The following CYP26A1 variants were observed in gnomAD, a reference collection of about 807,000 sequenced individuals.
CYP26A1 encodes the protein cytochrome P450 family 26 subfamily A member 1, also known as cytochrome P450 26A1.
A neutral mutation model predicts 47.4 loss-of-function variants in CYP26A1; 46 were observed. That is an observed-to-expected ratio of 0.97 (90% CI 0.77 to 1.24). The LOEUF is 1.24. Ranked by LOEUF, CYP26A1 falls within the 50% of genes most tolerant of loss-of-function variation. CYP26A1 has a pLI of 0.00. For missense variants in CYP26A1, 680 were observed against 644.4 expected, an observed-to-expected ratio of 1.06 and a Z score of -0.60; for synonymous variants, 277 against 263.7, an observed-to-expected ratio of 1.05 and a Z score of -0.49.
intron 5 of CYP26A1, 33 bp from the exon 6 acceptor site, chr10:93,076,511 T>TA (rs770932759): frequency 6.6e-7 from 1 of 1,524,040 alleles, no homozygotes; most frequent in Non-Finnish European, 9.0e-7. Context: ...GAGCACAAAA[T>TA]AACTGTTCAC....
Position 93,077,411 on chromosome 10 carries a change from T to G in CYP26A1, c.*107T>G. On this transcript the variant is annotated 3_prime_UTR_variant, in exon 7 of 7. Coordinates refer to ENST00000224356, the MANE Select transcript of CYP26A1 (RefSeq NM_000783.4). The stretch of plus-strand genomic sequence containing the variant: ...ATTTCTAAATGTATATTATAATATT[T>G]ATGTGTTTTGACTATACTACCACAA... 1 of 475,868 alleles carries G rather than the reference T, an allele frequency of 2.1e-6. No homozygotes were observed. The highest frequency in any genetic ancestry group is 3.5e-6 in the Non-Finnish European group (1 of 283,852). The allele number at this position is 475,868 out of a possible 1,614,324, so 29.5% of individuals were successfully genotyped here. A position where few individuals can be genotyped will look rare whatever the true frequency, so the allele number is the denominator to read the frequency against.
chr10:93,075,055 A>G lies in CYP26A1; in HGVS notation c.691A>G (p.Ser231Gly). The stretch of plus-strand genomic sequence containing the variant: ...CTCGCTGCCCATCGACGTGCCCTTC[A>G]GCGGGCTGTACCGGGTAAGGGCGGC... The part of the protein sequence containing the change: ...LFSLPIDVPF[S>G]GLYRGMKARN... The change falls in exon 3 of 7, where the codon AGC becomes GGC. Residue 231 changes from serine to glycine, a missense_variant. Coordinates refer to ENST00000224356, the MANE Select transcript of CYP26A1 (RefSeq NM_000783.4). The G allele has an allele frequency of 8.1e-6, 13 of 1,612,910 alleles. No homozygotes were observed. The highest frequency in any genetic ancestry group is 1.1e-5 in the Non-Finnish European group (13 of 1,179,900).
Position 93,075,296 on chromosome 10 carries a change from C to G in CYP26A1, c.853C>G (p.Leu285Val), listed in dbSNP as rs1846964083. ...GCACTCGTGGGAGAGGGGAGAGCGG[C>G]TGGACATGCAGGTGAGTAGCAGCTT... The part of the protein sequence containing the change: ...IEHSWERGER[L>V]DMQALKQSST... The change falls in exon 4 of 7, where the codon CTG becomes GTG. Residue 285 changes from leucine to valine, a missense_variant. Leu to Val is a conservative substitution (Grantham distance 32). Transcript: ENST00000224356. The G allele has an allele frequency of 2.5e-6, 4 of 1,613,802 alleles. No individual in the cohort carries two copies. The African/African-American group carries it at 4.0e-5, about 16-fold the overall frequency.
In CYP26A1 at chr10:93,077,067, C is replaced by A; in HGVS notation, c.1257C>A (p.Phe419Leu). The A allele has an allele frequency of 6.2e-7, 1 of 1,613,628 alleles. No homozygotes were observed. Among genetic ancestry groups the A allele is most frequent in the Non-Finnish European group, 8.5e-7 (1 of 1,179,476 alleles). Residue 419 changes from phenylalanine to leucine, a missense_variant, in exon 7 of 7, where the codon TTC becomes TTA. Phe to Leu is a conservative substitution (Grantham distance 22, BLOSUM62 0). Coordinates refer to ENST00000224356, the MANE Select transcript of CYP26A1 (RefSeq NM_000783.4). Reference protein sequence around the residue: ...TNKEEFNPDRFMLPHPEDASR... With the variant: ...TNKEEFNPDRLMLPHPEDASR... ...AGGAAGAATTTAATCCTGACCGATT[C>A]ATGCTGCCTCACCCAGAGGATGCAT...
chr10:93,076,271 G>T, intron 5 of CYP26A1: 1 of 468,912 alleles, frequency 2.1e-6, no homozygotes, highest in Non-Finnish European at 3.8e-6. Flanking sequence ...AGTGTGAATA[G>T]CTGATTAGTG....
chr10:93,074,444 C>T lies in CYP26A1; in HGVS notation c.326C>T (p.Ser109Leu), dbSNP rs1313813062. The change falls in exon 2 of 7, where the codon TCG becomes TTG. Residue 109 changes from serine (S) to leucine (L), a missense_variant. Coordinates refer to ENST00000224356, the MANE Select transcript of CYP26A1 (RefSeq NM_000783.4). This position sits in a 1 kb window ranked among gnomAD's most constrained non-coding sequence, Gnocchi z 5.3. ...RILLGEHRLVSVHWPASVRTI... is the reference protein window; with the variant it reads ...RILLGEHRLVLVHWPASVRTI... ...TTGCTCGGAGAGCACCGGCTGGTGT[C>T]GGTCCACTGGCCAGCGTCGGTGCGC... 6.2e-7 allele frequency: 1 copy of T among 1,611,324 alleles called. No individual in the cohort carries two copies. Among genetic ancestry groups the T allele is most frequent in the Non-Finnish European group, 8.5e-7 (1 of 1,178,276 alleles).
rs1846992370 is a variant in CYP26A1, at chr10:93,077,416, GT to G, written c.*116del. ...TAAATGTATATTATAATATTTATGT[GT>G]TTTGACTATACTACCACAATCTTTA... is the stretch of plus-strand genomic sequence containing the variant. On this transcript the variant is annotated 3_prime_UTR_variant, in exon 7 of 7. Coordinates refer to ENST00000224356, the MANE Select transcript of CYP26A1 (RefSeq NM_000783.4). 2.2e-6 allele frequency: 1 copy of G among 449,826 alleles called. No individual in the cohort carries two copies. Among genetic ancestry groups the G allele is most frequent in the Non-Finnish European group, 3.8e-6 (1 of 263,940 alleles). The allele number at this position is 449,826 out of a possible 1,614,324, so 27.9% of individuals were successfully genotyped here. A position where few individuals can be genotyped will look rare whatever the true frequency, so the allele number is the denominator to read the frequency against.
rs1846997027 is a variant in CYP26A1 at position 93,077,841 on chromosome 10, CT to C, written c.*539del. On this transcript the variant is annotated 3_prime_UTR_variant, in exon 7 of 7. Transcript: ENST00000224356. ...AGAACTGTCACTCTAACCTCTCCAGCTTATCTAACATGTCATAAACATAATA... is the reference window on the plus strand; with the variant it reads ...AGAACTGTCACTCTAACCTCTCCAGCTATCTAACATGTCATAAACATAATA... 6.6e-6 allele frequency: 1 copy of C among 152,178 alleles called. No homozygotes were observed. Among genetic ancestry groups the C allele is most frequent in the Admixed American group, 6.5e-5 (1 of 15,270 alleles). The allele number at this position is 152,178 out of a possible 1,614,324, so 9.4% of individuals were successfully genotyped here. A position where few individuals can be genotyped will look rare whatever the true frequency, so the allele number is the denominator to read the frequency against.
Position 93,074,735 on chromosome 10 carries a change from G to T in CYP26A1, c.415-44G>T. ...GGAAGGGGACGGCGGTAGACGAGAGGGGCGGATGGAGGCTTTTAACGCTGT... is the reference window on the plus strand; with the variant it reads ...GGAAGGGGACGGCGGTAGACGAGAGTGGCGGATGGAGGCTTTTAACGCTGT... On this transcript the variant is annotated intron_variant, in intron 2 of 6. Coordinates refer to ENST00000224356, the MANE Select transcript of CYP26A1 (RefSeq NM_000783.4). The surrounding 1 kb of genome is among the most constrained non-coding windows in gnomAD (Gnocchi z 5.3). 1 of 1,515,886 alleles carries T rather than the reference G, an allele frequency of 6.6e-7. No homozygotes were observed. The highest frequency in any genetic ancestry group is 1.2e-5 in the South Asian group (1 of 83,666). The allele number at this position is 1,515,886 out of a possible 1,614,324, so 93.9% of individuals were successfully genotyped here. A position where few individuals can be genotyped will look rare whatever the true frequency, so the allele number is the denominator to read the frequency against.
upstream of CYP26A1, chr10:93,073,562 C>G (rs369720016): frequency 1.1e-4 from 29 of 253,022 alleles, no homozygotes; most frequent in African/African-American, 5.9e-4. Context: ...AAGAGACCGC[C>G]GGGAAGGCTA....
rs772131596 is a variant in CYP26A1, at chr10:93,074,800, C to T, written c.436C>T (p.Arg146Cys). 11 of 1,606,588 alleles carry T rather than the reference C, an allele frequency of 6.8e-6. No individual in the cohort carries two copies. The Admixed American group carries it at 1.7e-4, about 24-fold the overall frequency. ...TCAGGTGATTATGCGGGCCTTCAGC[C>T]GCGAGGCACTCGAATGCTACGTGCC... ...RKKVIMRAFS[R>C]EALECYVPVI... Residue 146 changes from arginine (R) to cysteine (C), a missense_variant, in exon 3 of 7, where the codon CGC becomes TGC. Coordinates refer to ENST00000224356, the MANE Select transcript of CYP26A1 (RefSeq NM_000783.4). The surrounding 1 kb of genome is among the most constrained non-coding windows in gnomAD (Gnocchi z 5.3).
Position 93,075,835 on chromosome 10 carries a change from C to G in CYP26A1, c.874C>G (p.Gln292Glu). Reference protein sequence around the residue: ...GERLDMQALKQSSTELLFGGH... With the variant: ...GERLDMQALKESSTELLFGGH... ...CTCACTCTATTCTTAGGCACTAAAG[C>G]AATCTTCAACCGAACTCCTCTTTGG... Residue 292 changes from glutamine to glutamate, a missense_variant, in exon 5 of 7, where the codon CAA becomes GAA. Coordinates refer to ENST00000224356, the MANE Select transcript of CYP26A1 (RefSeq NM_000783.4). The G allele has an allele frequency of 6.2e-7, 1 of 1,611,740 alleles. No individual in the cohort carries two copies.
rs764388817 is a variant in CYP26A1 at position 93,074,473 on chromosome 10, A to G, written c.355A>G (p.Ile119Val). 6.2e-7 allele frequency: 1 copy of G among 1,612,392 alleles called. No individual in the cohort carries two copies. Among genetic ancestry groups the G allele is most frequent in the South Asian group, 1.1e-5 (1 of 91,074 alleles). The change falls in exon 2 of 7, where the codon ATT becomes GTT. Residue 119 changes from isoleucine to valine, a missense_variant. By Grantham distance (29) the Ile-to-Val change is conservative (BLOSUM62 3). Transcript: ENST00000224356. This position sits in a 1 kb window ranked among gnomAD's most constrained non-coding sequence, Gnocchi z 5.3. ...SVHWPASVRTILGSGCLSNLH... is the reference protein window; with the variant it reads ...SVHWPASVRTVLGSGCLSNLH... ...CCACTGGCCAGCGTCGGTGCGCACC[A>G]TTCTGGGATCTGGCTGCCTCTCTAA...
intron 4 of CYP26A1, 90 bp from the exon 5 acceptor site, chr10:93,075,736 T>C: frequency 3.1e-6 from 3 of 979,588 alleles, no homozygotes; most frequent in Non-Finnish European, 4.9e-6. Flanking sequence ...CTTCTAGTCT[T>C]CCCTCCAGAA....
chr10:93,074,611 C>A lies in CYP26A1; in HGVS notation c.414+79C>A, dbSNP rs949937626. ...AATTCCGGCTGATGGATGCTAGGCG[C>A]GGGCTAGCAGCTTGAGGTGGGCTAG... is the stretch of plus-strand genomic sequence containing the variant. On this transcript the variant is annotated intron_variant, in intron 2 of 6. Coordinates refer to ENST00000224356, the MANE Select transcript of CYP26A1 (RefSeq NM_000783.4). This position sits in a 1 kb window ranked among gnomAD's most constrained non-coding sequence, Gnocchi z 5.3. 1.8e-6 allele frequency: 2 copies of A among 1,122,588 alleles called. No individual in the cohort carries two copies. Among genetic ancestry groups the A allele is most frequent in the Non-Finnish European group, 2.7e-6 (2 of 741,058 alleles). The allele number at this position is 1,122,588 out of a possible 1,614,324, so 69.5% of individuals were successfully genotyped here. A position where few individuals can be genotyped will look rare whatever the true frequency, so the allele number is the denominator to read the frequency against.
In CYP26A1 at chr10:93,073,895, TGGC is replaced by T; in HGVS notation, c.-30_-28del. On this transcript the variant is annotated 5_prime_UTR_variant, in exon 1 of 7. Coordinates refer to ENST00000224356, the MANE Select transcript of CYP26A1 (RefSeq NM_000783.4). ...GGCAGCGCCGTGGGGTTTGAAGCGC[TGGC>T]GGCGGCGGCAGGTGGCGCGGGAGGT... 6.9e-6 allele frequency: 5 copies of T among 721,692 alleles called. No individual in the cohort carries two copies. The highest frequency in any genetic ancestry group is 6.2e-5 in the Admixed American group (3 of 48,178). The allele number at this position is 721,692 out of a possible 1,614,324, so 44.7% of individuals were successfully genotyped here.
In CYP26A1 at chr10:93,074,887, C is replaced by T; in HGVS notation, c.523C>T (p.Leu175Phe). 1 of 1,613,110 alleles carries T rather than the reference C, an allele frequency of 6.2e-7. No individual in the cohort carries two copies. The highest frequency in any genetic ancestry group is 8.5e-7 in the Non-Finnish European group (1 of 1,180,024). ...EQWLSCGERG[L>F]LVYPEVKRLM... ...GTGGCTGAGCTGCGGCGAGCGCGGCCTCCTGGTCTACCCCGAGGTGAAGCG... is the reference window on the plus strand; with the variant it reads ...GTGGCTGAGCTGCGGCGAGCGCGGCTTCCTGGTCTACCCCGAGGTGAAGCG... The change falls in exon 3 of 7, where the codon CTC becomes TTC. Residue 175 changes from leucine (L) to phenylalanine (F), a missense_variant. Physicochemically the swap from Leu to Phe is conservative, Grantham distance 22. Transcript: ENST00000224356. This position sits in a 1 kb window ranked among gnomAD's most constrained non-coding sequence, Gnocchi z 5.3.
chr10:93,073,836 T>G, upstream of CYP26A1: 1 of 606,886 alleles, frequency 1.6e-6, no homozygotes, highest in South Asian at 2.0e-5. Flanking sequence ...CTGACCAAGG[T>G]AACGTGGGCA....
rs1309555589 is a variant in CYP26A1, at chr10:93,074,332, C to T, written c.214C>T (p.Arg72Cys). The change falls in exon 2 of 7, where the codon CGC (arginine) becomes TGC (cysteine). Residue 72 changes from arginine to cysteine, a missense_variant. Coordinates refer to ENST00000224356, the MANE Select transcript of CYP26A1 (RefSeq NM_000783.4). This position sits in a 1 kb window ranked among gnomAD's most constrained non-coding sequence, Gnocchi z 5.3. ...GCGGAGGAAGTTCCTGCAGATGAAG[C>T]GCAGGAAATACGGCTTCATCTACAA... is the stretch of plus-strand genomic sequence containing the variant. ...LQRRKFLQMKRRKYGFIYKTH... is the reference protein window; with the variant it reads ...LQRRKFLQMKCRKYGFIYKTH... 6.2e-7 allele frequency: 1 copy of T among 1,607,192 alleles called. No homozygotes were observed. The highest frequency in any genetic ancestry group is 2.2e-5 in the East Asian group (1 of 44,824).
Sources: gnomAD v4.1 joint callset for allele counts on GRCh38, gnomAD v4.1.1 for gene constraint, Gnocchi (gnomAD v3.1) non-coding constraint, MANE v1.5 for transcripts, NCBI Gene and HGNC (gene_info 2026-07-23, HGNC 2026-07-21) for gene names.